Variants in MIS18A observed in about 807,000 individuals in gnomAD.
MIS18A encodes MIS18 kinetochore protein A, also known as protein Mis18-alpha.
A neutral mutation model predicts 25.0 loss-of-function variants in MIS18A; 14 were observed. The observed-to-expected ratio is 0.56, with a 90% CI of 0.37 to 0.88. The LOEUF (loss-of-function observed/expected upper bound fraction) is 0.88, where lower values mean the gene tolerates loss of function less well. Among genes scored for constraint, MIS18A ranks in the 40% least tolerant of loss-of-function variants. MIS18A has a pLI of 0.00. For synonymous variants in MIS18A, 134 were observed against 118.6 expected (o/e 1.13, Z -0.84); for missense variants, 292 against 290.8 (o/e 1.00, Z -0.03).
At position 32,269,819 on chromosome 21, in the gene MIS18A, A is replaced by C. The variant is rs1323483202; in HGVS notation, c.525-16T>G. ...TAAAACATAACTGAAGTACGGTACAAGGTTAAAATACAAGCTGGGTGTGGT... is the reference window on the plus strand; with the variant it reads ...TAAAACATAACTGAAGTACGGTACACGGTTAAAATACAAGCTGGGTGTGGT... On this transcript the variant is annotated splice_polypyrimidine_tract_variant and intron_variant, in intron 3 of 4. Coordinates refer to ENST00000290130, the MANE Select transcript of MIS18A (RefSeq NM_018944.3). The C allele has an allele frequency of 2.0e-6, 3 of 1,466,736 alleles. No homozygotes were observed. The East Asian group carries it at 6.8e-5, about 33-fold the overall frequency. The allele number at this position is 1,466,736 out of a possible 1,614,324, so 90.9% of individuals were successfully genotyped here.
chr21:32,218,192 C>CAAAAAAAAAAAAA, the MIS18A span, among the ~76,000 whole-genome samples: 178 of 56,216 alleles, frequency 3.2e-3, no homozygotes, highest in East Asian at 6.1e-3. Context: ...GACTCCATCT[C>CAAAAAAAAAAAAA]AAAAAAAAAA....
downstream of MIS18A, among the ~76,000 whole-genome samples, chr21:32,263,527 G>A (rs1413689688): frequency 6.6e-6 from 1 of 152,204 alleles, no homozygotes; most frequent in African/African-American, 2.4e-5. Flanking sequence ...CTTGAACCCA[G>A]GAGGCAGAGG....
the MIS18A span, among the ~76,000 whole-genome samples, chr21:32,230,060 C>T: frequency 1.2e-4 from 18 of 152,312 alleles, no homozygotes; most frequent in African/African-American, 3.8e-4. Context: ...AAACTCAAGT[C>T]GTCTGACCAT....
the MIS18A span, among the ~76,000 whole-genome samples, chr21:32,228,058 T>C: frequency 6.6e-6 from 1 of 152,180 alleles, no homozygotes; most frequent in South Asian, 2.1e-4. Flanking sequence ...AAAGGGCATC[T>C]ACAAAAAAAG....
the MIS18A span, among the ~76,000 whole-genome samples, chr21:32,163,501 GTTATGACC>G: frequency 1.3e-5 from 2 of 152,178 alleles, no homozygotes; most frequent in East Asian, 3.9e-4. Flanking sequence ...CCAGGCCAAG[GTTATGACC>G]TTGCCTTTGC....
At chr21:32,240,283 C>T in the MIS18A span, among the ~76,000 whole-genome samples, 6 of 152,244 alleles carry the variant, frequency 3.9e-5, no homozygotes, top group African/African-American at 9.6e-5. Context: ...GATTAGGTCA[C>T]GAAGGTGAAG....
chr21:32,176,753 G>A, the MIS18A span, among the ~76,000 whole-genome samples: 46 of 151,262 alleles, frequency 3.0e-4, no homozygotes, highest in Admixed American at 1.8e-3. Context: ...GAAGAAAAGC[G>A]TATAACAACT....
At chr21:32,185,399 G>T in the MIS18A span, among the ~76,000 whole-genome samples, 1 of 152,182 alleles carries the variant, frequency 6.6e-6, no homozygotes, top group East Asian at 1.9e-4. Context: ...GCTTCCAGAG[G>T]TAGTGCTCCC....
chr21:32,275,517 T>C lies in MIS18A; in HGVS notation c.335-621A>G, dbSNP rs138058089. 3.4e-3 allele frequency among the ~76,000 whole-genome samples: 517 copies of C among 152,290 alleles called. 5 individuals carry two copies. Among genetic ancestry groups the C allele is most frequent in the African/African-American group, 0.012 (493 of 41,562 alleles). ...GGATCCCAGCCACACATCTTTTACT[T>C]GAACAATGACTTGGACAGAGGTCAC... is the stretch of plus-strand genomic sequence containing the variant. On this transcript the variant is annotated intron_variant, in intron 1 of 4. Coordinates refer to ENST00000290130, the MANE Select transcript of MIS18A (RefSeq NM_018944.3).
At chr21:32,221,345 A>G in the MIS18A span, among the ~76,000 whole-genome samples, 2 of 152,196 alleles carry the variant, frequency 1.3e-5, no homozygotes, top group Non-Finnish European at 2.9e-5. Flanking sequence ...TAAAGAAAAG[A>G]ATTTTCAACC....
the MIS18A span, among the ~76,000 whole-genome samples, chr21:32,188,858 G>C: frequency 0.15 from 22,783 of 152,200 alleles, 1,817 homozygotes; most frequent in East Asian, 0.25. Flanking sequence ...TGCCTCTGTT[G>C]ACAGATGTGC....
At chr21:32,230,396 C>T in the MIS18A span, among the ~76,000 whole-genome samples, 4 of 152,118 alleles carry the variant, frequency 2.6e-5, no homozygotes, top group East Asian at 1.9e-4. Context: ...GGAAATTATA[C>T]GATAACCTGA....
the MIS18A span, among the ~76,000 whole-genome samples, chr21:32,202,770 C>A: frequency 6.6e-6 from 1 of 152,204 alleles, no homozygotes; most frequent in Non-Finnish European, 1.5e-5. Flanking sequence ...AGTACAATGT[C>A]TTCAAGGTTC....
At chr21:32,239,808 G>A in the MIS18A span, among the ~76,000 whole-genome samples, 2 of 152,220 alleles carry the variant, frequency 1.3e-5, no homozygotes, top group Non-Finnish European at 2.9e-5. Flanking sequence ...TTAGCCCTCT[G>A]AGGAAGAAAA....
chr21:32,165,021 G>A, the MIS18A span, among the ~76,000 whole-genome samples: 1 of 152,158 alleles, frequency 6.6e-6, no homozygotes. Flanking sequence ...TATGCCAATA[G>A]ATAGAGGATA....
At chr21:32,265,457 G>A (rs1473757910), downstream of MIS18A, among the ~76,000 whole-genome samples, 1 of 152,238 alleles carries the variant, frequency 6.6e-6, no homozygotes, top group Non-Finnish European at 1.5e-5. Flanking sequence ...CCCGGGCAAT[G>A]GGGGACTTAG....
chr21:32,193,416 G>A, the MIS18A span, among the ~76,000 whole-genome samples: 30 of 152,206 alleles, frequency 2.0e-4, no homozygotes, highest in African/African-American at 4.8e-4. Flanking sequence ...AAATTACCTC[G>A]TTCCATTTTA....
At chr21:32,191,598 A>G in the MIS18A span, among the ~76,000 whole-genome samples, 1 of 151,854 alleles carries the variant, frequency 6.6e-6, no homozygotes, top group African/African-American at 2.4e-5. Context: ...AAAAGAAAAC[A>G]AAAACAAAAA....
At chr21:32,274,194 C>CTTTT (rs2031765459) in intron 2 of MIS18A, among the ~76,000 whole-genome samples, 1 of 106,250 alleles carries the variant, frequency 9.4e-6, no homozygotes, top group African/African-American at 3.6e-5. Flanking sequence ...ATTTCCTTTT[C>CTTTT]TTCTTTTTTT....
Sources: gnomAD v4.1 joint callset for allele counts (sites outside exome capture counted in the v4.1 genomes callset) on GRCh38, gnomAD v4.1.1 for gene constraint, MANE v1.5 for transcripts, NCBI Gene and HGNC (gene_info 2026-07-23, HGNC 2026-07-21) for gene names.